Variants in PSME4 observed in about 807,000 individuals in gnomAD.
The protein encoded by PSME4 is proteasome activator complex subunit 4.
PSME4 carries 89 observed loss-of-function variants against 253.9 expected under a neutral mutation model. That is an observed-to-expected ratio of 0.35 (90% confidence interval 0.30 to 0.42). The LOEUF (loss-of-function observed/expected upper bound fraction) is 0.42. Ranked by LOEUF, PSME4 falls within the 10% of genes least tolerant of loss-of-function variation. The probability of loss-of-function intolerance (pLI) is 1.00; values close to 1 mark genes in which losing one functional copy is unlikely to be tolerated. For missense variants in PSME4, 2,014 were observed against 2,195.2 expected (o/e 0.92, Z 1.65); for synonymous variants, 851 against 759.2 (o/e 1.12, Z -1.99).
At chr2:53,911,165 A>C (rs1250950832) in intron 20 of PSME4, among the ~76,000 whole-genome samples, 1 of 152,230 alleles carries the variant, frequency 6.6e-6, no homozygotes, top group African/African-American at 2.4e-5. Flanking sequence ...CTAAAATGTC[A>C]GTTATTTAAC....
intron 31 of PSME4, 125 bp downstream of exon 31, chr2:53,897,745 G>T (rs759582672): frequency 3.6e-6 from 4 of 1,096,528 alleles, no homozygotes; most frequent in African/African-American, 1.6e-5. Flanking sequence ...AACAGGGGGA[G>T]ATTTCAAATC....
intron 1 of PSME4, among the ~76,000 whole-genome samples, chr2:53,967,254 A>G (rs1220248799): frequency 2.6e-5 from 4 of 152,188 alleles, no homozygotes; most frequent in Non-Finnish European, 4.4e-5. Context: ...GAAAGCCTCT[A>G]TCACATGGCC....
chr2:53,939,927 G>C (rs763398787), intron 4 of PSME4, 29 bp downstream of exon 4: 10 of 1,549,906 alleles, frequency 6.5e-6, no homozygotes, highest in African/African-American at 2.7e-5. Flanking sequence ...GAAACAACAA[G>C]AGGCTTTATA....
At chr2:53,967,376 G>A (rs772363736) in intron 1 of PSME4, among the ~76,000 whole-genome samples, 55 of 151,912 alleles carry the variant, frequency 3.6e-4, no homozygotes, top group Non-Finnish European at 6.3e-4. Context: ...AAGAAGGCTG[G>A]GGCGGTGGCT....
chr2:53,934,384 A>G (rs1424070277), intron 8 of PSME4, among the ~76,000 whole-genome samples: 1 of 152,152 alleles, frequency 6.6e-6, no homozygotes, highest in Non-Finnish European at 1.5e-5. Context: ...AAAACCCTAG[A>G]TTTTTGACTC....
chr2:53,898,431 T>C (rs1680241358), intron 29 of PSME4, 77 bp from the exon 30 acceptor site: 2 of 1,206,342 alleles, frequency 1.7e-6, no homozygotes, highest in Admixed American at 2.4e-5. Context: ...ATTCAAATTC[T>C]AGCCAATTTC....
At chr2:53,966,250 C>A (rs940772858) in intron 1 of PSME4, among the ~76,000 whole-genome samples, 1 of 152,114 alleles carries the variant, frequency 6.6e-6, no homozygotes, top group African/African-American at 2.4e-5. Flanking sequence ...TGCCACTGCA[C>A]TCCAGCCTGG....
At chr2:53,901,587 T>C in intron 27 of PSME4, 28 bp from the exon 28 acceptor site, 1 of 1,553,656 alleles carries the variant, frequency 6.4e-7, no homozygotes. Context: ...TATATATGTT[T>C]ACATGGGAAA....
rs1249117980 is a variant in PSME4 at position 53,970,752 on chromosome 2, C to T, written c.33G>A (p.Glu11=). 1 of 1,544,908 alleles carries T rather than the reference C, an allele frequency of 6.5e-7. No individual in the cohort carries two copies. The highest frequency in any genetic ancestry group is 8.7e-7 in the Non-Finnish European group (1 of 1,145,188). ...CGGGACGCCCGCCCGGCTCCGGGGG[C>T]TCTCCGACTCCCGCCCGCTCGGCCG... MEPAERAGVG[E]PPEPGGRPEP... is the part of the protein sequence containing the mutation. Residue 11 remains glutamate (E), a synonymous_variant, in exon 1 of 47, where the codon GAG becomes GAA. Transcript: ENST00000404125.
chr2:53,949,389 G>T, intron 1 of PSME4, 106 bp from the exon 2 acceptor site: 1 of 579,430 alleles, frequency 1.7e-6, no homozygotes, highest in Non-Finnish European at 2.8e-6. Flanking sequence ...AACCTGAATG[G>T]CCACAGAAGG....
intron 20 of PSME4, among the ~76,000 whole-genome samples, chr2:53,918,182 G>T (rs554787338): frequency 2.0e-3 from 302 of 152,096 alleles, no homozygotes; most frequent in African/African-American, 6.8e-3. Flanking sequence ...TGTTTTTTGA[G>T]AGGGAAGAGA....
In PSME4 at chr2:53,864,599, T is replaced by A. The variant is rs1678481973; in HGVS notation, c.*979A>T. 1 of 152,676 alleles carries A rather than the reference T, an allele frequency of 6.5e-6. No individual in the cohort carries two copies. The highest frequency in any genetic ancestry group is 1.5e-5 in the Non-Finnish European group (1 of 68,046). 9.5% of individuals were successfully genotyped at this position (152,676 alleles called of 1,614,324 possible). On this transcript the variant is annotated 3_prime_UTR_variant, in exon 47 of 47. Transcript: ENST00000404125. ...ATGATGTTGTGTAAAAGGTTGCATC[T>A]GTACAATGTCTTGCCAATGCTATCT...
intron 41 of PSME4, chr2:53,881,523 T>A (rs1044813582): frequency 2.6e-5 from 4 of 152,156 alleles, no homozygotes; most frequent in Admixed American, 2.6e-4. Context: ...GACACTGATA[T>A]TAAACTCACA....
At chr2:53,902,047 A>C (rs1680425801) in intron 27 of PSME4, among the ~76,000 whole-genome samples, 1 of 152,086 alleles carries the variant, frequency 6.6e-6, no homozygotes, top group Non-Finnish European at 1.5e-5. Flanking sequence ...AGCTTAGGTG[A>C]CACAGCAGGA....
At chr2:53,949,319 G>T in intron 1 of PSME4, 36 bp from the exon 2 acceptor site, 1 of 1,377,548 alleles carries the variant, frequency 7.3e-7, no homozygotes. Flanking sequence ...TTTAAAAATA[G>T]GTATGATGAC....
chr2:53,958,262 G>A (rs959321125), intron 1 of PSME4, among the ~76,000 whole-genome samples: 2 of 151,794 alleles, frequency 1.3e-5, no homozygotes, highest in Admixed American at 1.3e-4. Context: ...AGGCTGAGGT[G>A]GGAGAACTGC....
At chr2:53,969,412 G>A (rs570304608) in intron 1 of PSME4, among the ~76,000 whole-genome samples, 7 of 152,144 alleles carry the variant, frequency 4.6e-5, no homozygotes, top group Admixed American at 4.6e-4. Context: ...TGGCAGATGA[G>A]AATCATCCAG....
At chr2:53,926,177 C>T (rs915581438) in intron 12 of PSME4, among the ~76,000 whole-genome samples, 154 bp from the exon 13 acceptor site, 1 of 152,164 alleles carries the variant, frequency 6.6e-6, no homozygotes, top group African/African-American at 2.4e-5. Flanking sequence ...TCATCTACTA[C>T]TTTCAATTTA....
intron 7 of PSME4, 28 bp downstream of exon 7, chr2:53,936,059 T>C (rs772865483): frequency 4.4e-6 from 7 of 1,606,544 alleles, no homozygotes; most frequent in Non-Finnish European, 6.0e-6. Flanking sequence ...CCATGCCTGA[T>C]AATTTTTTTC....
Sources: allele counts gnomAD v4.1 joint callset (sites outside exome capture counted in the v4.1 genomes callset), GRCh38; gene constraint gnomAD v4.1.1; transcripts MANE v1.5; gene names NCBI Gene and HGNC (gene_info 2026-07-23, HGNC 2026-07-21).